The following PVT1 variants were observed in gnomAD, a reference collection of about 807,000 sequenced individuals.
PVT1 encodes the protein Pvt1 oncogene, also known as CXCR4/PVT1 fusion.
intron 2 of PVT1, among the ~76,000 whole-genome samples, chr8:127,852,561 A>G (rs546583223): frequency 6.6e-6 from 1 of 152,344 alleles, no homozygotes; most frequent in African/African-American, 2.4e-5. Flanking sequence ...AGATTTTAAC[A>G]GTATCTATTT....
At chr8:127,837,034 C>T (rs984947509) in intron 2 of PVT1, among the ~76,000 whole-genome samples, 3 of 152,204 alleles carry the variant, frequency 2.0e-5, no homozygotes, top group Non-Finnish European at 2.9e-5. Context: ...GATTCTAGCC[C>T]ATGGGACCAT....
chr8:127,922,022 G>A (rs1222818870), intron 3 of PVT1, among the ~76,000 whole-genome samples: 2 of 150,936 alleles, frequency 1.3e-5, no homozygotes, highest in South Asian at 2.1e-4. Flanking sequence ...CACCACGCCC[G>A]GTTAATTTTT....
intron 4 of PVT1, among the ~76,000 whole-genome samples, chr8:128,031,453 G>A (rs1049121272): frequency 6.6e-5 from 10 of 152,134 alleles, no homozygotes; most frequent in African/African-American, 9.7e-5. Flanking sequence ...TTCTGGGCCC[G>A]GTGATTGCCT....
chr8:127,972,299 T>C (rs1411855025), intron 3 of PVT1, among the ~76,000 whole-genome samples: 1 of 152,188 alleles, frequency 6.6e-6, no homozygotes, highest in African/African-American at 2.4e-5. Flanking sequence ...TTGCAGAAAG[T>C]CACTGGGCTG....
chr8:127,926,348 C>T (rs1816129464), intron 3 of PVT1, among the ~76,000 whole-genome samples: 1 of 152,200 alleles, frequency 6.6e-6, no homozygotes, highest in Admixed American at 6.5e-5. Flanking sequence ...GGTCCCCCTC[C>T]CTGGACCGGT....
intron 4 of PVT1, among the ~76,000 whole-genome samples, chr8:128,003,044 C>T (rs1817201918): frequency 7.3e-6 from 1 of 137,396 alleles, no homozygotes; most frequent in Non-Finnish European, 1.5e-5. Flanking sequence ...TTTGCCCAGG[C>T]TGGAGTGCAG....
At chr8:128,038,048 T>C (rs569624296) in intron 4 of PVT1, among the ~76,000 whole-genome samples, 1 of 152,318 alleles carries the variant, frequency 6.6e-6, no homozygotes, top group South Asian at 2.1e-4. Context: ...GCTGAGTTGA[T>C]ATAATTCTGG....
intron 4 of PVT1, among the ~76,000 whole-genome samples, chr8:128,041,863 G>T (rs1021703601): frequency 1.3e-5 from 2 of 152,128 alleles, no homozygotes; most frequent in Non-Finnish European, 2.9e-5. Flanking sequence ...TTTGGGAAGG[G>T]ATTCTCATGG....
At chr8:127,919,844 T>C (rs1007657715) in intron 3 of PVT1, among the ~76,000 whole-genome samples, 2 of 152,252 alleles carry the variant, frequency 1.3e-5, no homozygotes, top group African/African-American at 4.8e-5. Flanking sequence ...TTCCCTTTCC[T>C]TCTGCTCTAC....
intron 3 of PVT1, among the ~76,000 whole-genome samples, chr8:127,891,149 C>T (rs1439893902): frequency 6.6e-6 from 1 of 152,124 alleles, no homozygotes; most frequent in African/African-American, 2.4e-5. Flanking sequence ...TTCCTGGAAG[C>T]CGTTACTGTT....
intron 2 of PVT1, among the ~76,000 whole-genome samples, chr8:127,842,785 T>C (rs1250708632): frequency 6.6e-6 from 1 of 152,154 alleles, no homozygotes; most frequent in Non-Finnish European, 1.5e-5. Flanking sequence ...TTTCAAGAGA[T>C]AGCATCTGAG....
intron 4 of PVT1, among the ~76,000 whole-genome samples, chr8:128,035,488 T>G (rs953078376): frequency 6.6e-6 from 1 of 152,326 alleles, no homozygotes; most frequent in South Asian, 2.1e-4. Context: ...TCCCTCCTTC[T>G]GCGTTTATTG....
intron 3 of PVT1, among the ~76,000 whole-genome samples, chr8:127,919,063 C>T (rs543484308): frequency 1.6e-4 from 24 of 152,182 alleles, no homozygotes; most frequent in Admixed American, 8.5e-4. Context: ...AGGCAGTGCG[C>T]GTTGGGCCTT....
chr8:127,852,895 C>T (rs1367274637), intron 2 of PVT1, among the ~76,000 whole-genome samples: 1 of 152,190 alleles, frequency 6.6e-6, no homozygotes, highest in South Asian at 2.1e-4. Flanking sequence ...GCCTCTGTGG[C>T]GCCTTGCACT....
chr8:127,954,292 C>T (rs1226120439), intron 3 of PVT1, among the ~76,000 whole-genome samples: 1 of 134,518 alleles, frequency 7.4e-6, no homozygotes, highest in African/African-American at 2.8e-5. Flanking sequence ...CAACAAGTAC[C>T]CACTTTTTTT....
In PVT1 at chr8:127,991,140, C is replaced by CT. The variant is rs35494368; in HGVS notation, n.912+1869dup. Among the ~76,000 whole-genome samples, 504 of 73,094 alleles carry CT rather than the reference C, an allele frequency of 6.9e-3. 1 individual carries two copies. Among genetic ancestry groups the CT allele is most frequent in the Middle Eastern group, 0.017 (2 of 116 alleles). 48.0% of individuals were successfully genotyped at this position (73,094 alleles called of 152,430 possible). On this transcript the variant is annotated intron_variant and non_coding_transcript_variant, in intron 4 of 10. Coordinates refer to ENST00000651587, the Ensembl canonical transcript of PVT1. ...CGTAGCTCTTTTTTTTCTTTTCTTT[C>CT]TTTTTTTTTTTTTTTTTTTTGAGAC...
At chr8:127,825,068 C>T (rs1469369899) in intron 2 of PVT1, among the ~76,000 whole-genome samples, 1 of 134,920 alleles carries the variant, frequency 7.4e-6, no homozygotes, top group Non-Finnish European at 1.5e-5. Context: ...TGCAGTGAGT[C>T]GAGATCATGC....
chr8:127,910,571 GTTAAA>G (rs1815882137), intron 3 of PVT1, among the ~76,000 whole-genome samples: 1 of 152,138 alleles, frequency 6.6e-6, no homozygotes, highest in African/African-American at 2.4e-5. Flanking sequence ...AGTCAAATCA[GTTAAA>G]TTAAATGACT....
intron 2 of PVT1, among the ~76,000 whole-genome samples, chr8:127,829,123 A>G (rs897498469): frequency 3.3e-5 from 5 of 152,102 alleles, no homozygotes; most frequent in African/African-American, 1.2e-4. Flanking sequence ...TAAAAATACA[A>G]AAAATTAGCT....
Sources: allele counts gnomAD v4.1 joint callset (sites outside exome capture counted in the v4.1 genomes callset), GRCh38; gene constraint gnomAD v4.1.1; transcripts MANE v1.5; gene names NCBI Gene and HGNC (gene_info 2026-07-23, HGNC 2026-07-21).